Variants in HIPK3 observed in about 807,000 individuals in gnomAD.
HIPK3 encodes the protein homeodomain interacting protein kinase 3.
In HIPK3, 47 loss-of-function variants were observed where a neutral mutation model predicts 124.2. The observed-to-expected ratio is 0.38, with a 90% CI of 0.30 to 0.48. The LOEUF is 0.48. Ranked by LOEUF, HIPK3 falls within the 20% of genes least tolerant of loss-of-function variation. The pLI is 0.98. For missense variants in HIPK3, 1,286 were observed against 1,454.3 expected (o/e 0.88, Z 1.88); for synonymous variants, 482 against 515.2 (o/e 0.94, Z 0.87).
intron 1 of HIPK3, among the ~76,000 whole-genome samples, chr11:33,270,303 CTTATTTAT>C (rs144273168): frequency 0.035 from 5,344 of 151,738 alleles, 112 homozygotes; most frequent in African/African-American, 0.058. Flanking sequence ...TGTTTGAAAC[CTTATTTAT>C]TTATTTATTT....
intron 2 of HIPK3, among the ~76,000 whole-genome samples, chr11:33,292,820 C>G (rs989713165): frequency 3.9e-5 from 6 of 152,152 alleles, no homozygotes; most frequent in Non-Finnish European, 1.5e-5. Flanking sequence ...ACTGCAAGCT[C>G]CGCGTCCCGG....
rs370787117 is a variant in HIPK3, at chr11:33,337,166, A to G, written c.1313A>G (p.Asp438Gly). 1 of 1,558,978 alleles carries G rather than the reference A, an allele frequency of 6.4e-7. No individual in the cohort carries two copies. Among genetic ancestry groups the G allele is most frequent in the Non-Finnish European group, 8.8e-7 (1 of 1,131,996 alleles). The change falls in exon 4 of 17, where the codon GAT becomes GGT. Residue 438 changes from aspartate to glycine, a missense_variant. Around this residue, in one of 3 missense-constraint regions of HIPK3, gnomAD observed 251 missense variants for 349.1 expected, o/e 0.72. Transcript: ENST00000303296. ...ACAAGATTTTTTTGCAAAGAAACAG[A>G]TATGTCTCATTCTGGTTGGAGATTA... ...KSTRFFCKET[D>G]MSHSGWRLKT...
At chr11:33,350,232 A>G (rs1284072353) in intron 14 of HIPK3, among the ~76,000 whole-genome samples, 2 of 152,154 alleles carry the variant, frequency 1.3e-5, no homozygotes, top group Non-Finnish European at 1.5e-5. Flanking sequence ...GACATCCACT[A>G]TGATTTTTTT....
intron 1 of HIPK3, among the ~76,000 whole-genome samples, chr11:33,283,589 A>G (rs1415451302): frequency 6.6e-6 from 1 of 152,112 alleles, no homozygotes; most frequent in Admixed American, 6.5e-5. Flanking sequence ...TTTATCTGAA[A>G]GGTGGTACGT....
In HIPK3 at chr11:33,310,311, T is replaced by TATCTA. The variant is rs58618595; in HGVS notation, c.1098-18198_1098-18194dup. Among the ~76,000 whole-genome samples the TATCTA allele has an allele frequency of 3.3e-3, 499 of 150,658 alleles. 4 individuals carry two copies. The highest frequency in any genetic ancestry group is 0.012 in the African/African-American group (475 of 40,510). ...TATCTATCTATCTATCTATCTAATCTATCTATCTATTCTATTGAGGGTCTT... is the reference window on the plus strand; with the variant it reads ...TATCTATCTATCTATCTATCTAATCTATCTAATCTATCTATTCTATTGAGGGTCTT... On this transcript the variant is annotated intron_variant, in intron 2 of 16. Coordinates refer to ENST00000303296, the MANE Select transcript of HIPK3 (RefSeq NM_005734.5).
At chr11:33,324,487 G>A (rs546571225) in intron 2 of HIPK3, among the ~76,000 whole-genome samples, 1 of 152,294 alleles carries the variant, frequency 6.6e-6, no homozygotes, top group South Asian at 2.1e-4. Flanking sequence ...AATGAAATGC[G>A]GAAGCTTTTG....
In HIPK3 at chr11:33,356,015, A is replaced by G. The variant is rs1853807186; in HGVS notation, c.*2447A>G. ...GGATCTGCTTACTTCTTAGGAAAGA[A>G]TCAATGCTGGCAACACATTGTTTCA... On this transcript the variant is annotated 3_prime_UTR_variant, in exon 17 of 17. Coordinates refer to ENST00000303296, the MANE Select transcript of HIPK3 (RefSeq NM_005734.5). The G allele has an allele frequency of 6.6e-6, 1 of 151,984 alleles. No individual in the cohort carries two copies. The highest frequency in any genetic ancestry group is 1.5e-5 in the Non-Finnish European group (1 of 67,886). The allele number at this position is 151,984 out of a possible 1,614,324, so 9.4% of individuals were successfully genotyped here. A position where few individuals can be genotyped will look rare whatever the true frequency, so the allele number is the denominator to read the frequency against.
chr11:33,348,951 TC>T, intron 13 of HIPK3, 133 bp downstream of exon 13: 5 of 924,508 alleles, frequency 5.4e-6, no homozygotes, highest in Non-Finnish European at 6.4e-6. Flanking sequence ...ATAACCCAGT[TC>T]TAGACAGGGA....
At chr11:33,258,386 T>C (rs550884120) in intron 1 of HIPK3, 3 of 985,882 alleles carry the variant, frequency 3.0e-6, no homozygotes, top group Admixed American at 6.1e-5. Context: ...CCCCAGCCGA[T>C]GGCCGCGTCC....
At chr11:33,257,287 C>A, upstream of HIPK3, 1 of 983,518 alleles carries the variant, frequency 1.0e-6, no homozygotes, top group Non-Finnish European at 1.2e-6. Context: ...GCCGCCCGGG[C>A]TGGGCGCGCA....
chr11:33,298,956 C>T (rs749770881), intron 2 of HIPK3, among the ~76,000 whole-genome samples: 14 of 152,026 alleles, frequency 9.2e-5, no homozygotes, highest in Non-Finnish European at 1.8e-4. Flanking sequence ...AGGCAATTCT[C>T]CTGCCTCAGC....
intron 2 of HIPK3, among the ~76,000 whole-genome samples, chr11:33,307,209 CA>C (rs1006950027): frequency 6.6e-6 from 1 of 151,418 alleles, no homozygotes; most frequent in Admixed American, 6.6e-5. Flanking sequence ...AAAGTGCTGG[CA>C]TTACAGGTGT....
chr11:33,347,518 A>C (rs1275031913), intron 9 of HIPK3, 104 bp downstream of exon 9: 1 of 1,572,446 alleles, frequency 6.4e-7, no homozygotes, highest in African/African-American at 1.4e-5. Context: ...TATGGACTTT[A>C]ATGTTTATAA....
At chr11:33,340,296 G>A (rs191474316) in intron 6 of HIPK3, among the ~76,000 whole-genome samples, 19 of 152,236 alleles carry the variant, frequency 1.2e-4, no homozygotes, top group Admixed American at 5.9e-4. Context: ...GGTTGGTCTC[G>A]AACTTCTGGG....
chr11:33,260,504 G>T lies in HIPK3; in HGVS notation c.-3+2615G>T, dbSNP rs140153257. On this transcript the variant is annotated intron_variant, in intron 1 of 16. Coordinates refer to ENST00000303296, the MANE Select transcript of HIPK3 (RefSeq NM_005734.5). ...TTATTTTTTATTTGAATGCTAGTACGACTTATCCTGGTAACTTTTGAAGTT... is the reference window on the plus strand; with the variant it reads ...TTATTTTTTATTTGAATGCTAGTACTACTTATCCTGGTAACTTTTGAAGTT... Among the ~76,000 whole-genome samples the T allele has an allele frequency of 5.3e-5, 8 of 152,290 alleles. No homozygotes were observed. The East Asian group carries it at 1.5e-3, about 29-fold the overall frequency.
chr11:33,300,717 G>A (rs1851974384), intron 2 of HIPK3, among the ~76,000 whole-genome samples: 1 of 152,002 alleles, frequency 6.6e-6, no homozygotes, highest in East Asian at 1.9e-4. Context: ...ATATATTTGT[G>A]GGTGTTTATG....
At chr11:33,311,937 TACACACACACA>T in intron 2 of HIPK3, among the ~76,000 whole-genome samples, 1 of 46,734 alleles carries the variant, frequency 2.1e-5, no homozygotes, top group South Asian at 7.3e-4. Flanking sequence ...ACACACACAC[TACACACACACA>T]CGGGCAACAT....
intron 2 of HIPK3, among the ~76,000 whole-genome samples, chr11:33,307,544 G>A (rs1590383383): frequency 2.0e-5 from 3 of 150,824 alleles, no homozygotes; most frequent in South Asian, 2.1e-4. Flanking sequence ...GACTACAGGC[G>A]CCTGCCACCA....
chr11:33,347,784 A>C (rs763210561), intron 10 of HIPK3, 31 bp downstream of exon 10: 1 of 1,613,082 alleles, frequency 6.2e-7, no homozygotes, highest in Admixed American at 1.7e-5. Flanking sequence ...CTTTGTGAAT[A>C]GTTTGCAGAC....
Sources: allele counts gnomAD v4.1 joint callset (sites outside exome capture counted in the v4.1 genomes callset), GRCh38; gene constraint gnomAD v4.1.1; regional missense constraint gnomAD v4.1.1; transcripts MANE v1.5; gene names NCBI Gene and HGNC (gene_info 2026-07-23, HGNC 2026-07-21).